IGF2: variants seen among roughly 807,000 people sequenced by gnomAD.
IGF2 encodes insulin-like growth factor 2.
A neutral mutation model predicts 12.0 loss-of-function variants in IGF2; 2 were observed. The observed-to-expected ratio is 0.17, with a 90% CI of 0.07 to 0.52. The LOEUF (loss-of-function observed/expected upper bound fraction) is 0.52, where lower values mean the gene tolerates loss of function less well. IGF2 is among the 20% of genes least tolerant of loss of function. The pLI, the probability that IGF2 is intolerant of heterozygous loss-of-function variation, is 0.95. For synonymous variants in IGF2, 105 were observed against 110.1 expected (o/e 0.95, Z 0.29); for missense variants, 211 against 268.0 (o/e 0.79, Z 1.48).
chr11:2,149,361 G>C, the IGF2 span: 3 of 1,604,134 alleles, frequency 1.9e-6, no homozygotes, highest in Non-Finnish European at 2.5e-6. Context: ...GAAACGAAGG[G>C]CACTTTTAGA....
chr11:2,147,660 C>T, the IGF2 span: 32 of 1,249,466 alleles, frequency 2.6e-5, no homozygotes, highest in Middle Eastern at 2.3e-4. This position sits in a 1 kb window ranked among gnomAD's most constrained non-coding sequence, Gnocchi z 7.2. Context: ...CACAGCAGCT[C>T]ACCTCAGGAC....
In IGF2 at chr11:2,130,228, AC is replaced by A; in HGVS notation, c.*2758del. On this transcript the variant is annotated 3_prime_UTR_variant, in exon 4 of 4. Transcript: ENST00000416167. ...GAGCCCCCTCCTGTGGCCTCCGAGC[AC>A]CCTCCTGACACCTGAGGAGACCCTG... is the stretch of plus-strand genomic sequence containing the variant. The A allele has an allele frequency of 4.4e-6, 1 of 229,870 alleles. No individual in the cohort carries two copies. Among genetic ancestry groups the A allele is most frequent in the Non-Finnish European group, 8.6e-6 (1 of 116,448 alleles). The allele number at this position is 229,870 out of a possible 1,614,324, so 14.2% of individuals were successfully genotyped here.
At chr11:2,140,917 G>A (rs762040708), upstream of IGF2, 4 of 378,082 alleles carry the variant, frequency 1.1e-5, no homozygotes, top group African/African-American at 8.9e-5. Context: ...GCGATCGAAC[G>A]CTCTGTGGCA....
chr11:2,147,784 A>G, the IGF2 span: 577,068 of 1,247,656 alleles, frequency 0.46, 137,657 homozygotes, highest in Admixed American at 0.55. The surrounding 1 kb of genome is among the most constrained non-coding windows in gnomAD (Gnocchi z 7.2). Context: ...CTCCCACACA[A>G]GCTCGGTGGT....
chr11:2,134,575 G>A (rs1039862519), intron 2 of IGF2, among the ~76,000 whole-genome samples: 6 of 152,276 alleles, frequency 3.9e-5, no homozygotes, highest in Admixed American at 1.3e-4. Flanking sequence ...GCGTGAGTAA[G>A]CAGTGGTGGT....
Position 2,132,781 on chromosome 11 carries a change from G to A in IGF2, c.*206C>T. ...CCAATCGATTTTGTACATGTTTGAAGATGCTGCTGTGCTTCCTCAGCCCGA... is the reference window on the plus strand; with the variant it reads ...CCAATCGATTTTGTACATGTTTGAAAATGCTGCTGTGCTTCCTCAGCCCGA... On this transcript the variant is annotated 3_prime_UTR_variant, in exon 4 of 4. Coordinates refer to ENST00000416167, the MANE Select transcript of IGF2 (RefSeq NM_000612.6). The A allele has an allele frequency of 1.9e-6, 1 of 515,612 alleles. No individual in the cohort carries two copies. The highest frequency in any genetic ancestry group is 3.4e-6 in the Non-Finnish European group (1 of 291,482). 31.9% of individuals were successfully genotyped at this position (515,612 alleles called of 1,614,324 possible). A position where few individuals can be genotyped will look rare whatever the true frequency, so the allele number is the denominator to read the frequency against.
chr11:2,140,794 A>T, upstream of IGF2: 1 of 310,412 alleles, frequency 3.2e-6, no homozygotes, highest in Non-Finnish European at 6.1e-6. Context: ...ACAGCAGCAG[A>T]TGCGGGCCGA....
At chr11:2,136,224 C>T (rs1441605081) in intron 1 of IGF2, among the ~76,000 whole-genome samples, 1 of 152,194 alleles carries the variant, frequency 6.6e-6, no homozygotes, top group Non-Finnish European at 1.5e-5. Context: ...TCCCAGTCAC[C>T]CAGTTCTCCA....
chr11:2,138,355 G>A lies in IGF2; in HGVS notation c.-133C>T. Reference sequence around the variant, plus strand: ...TGGCCGAGTCGCGGGGGCCGAATGTGCGACGGGGCAGAGCGGGGGGATGGC... The same window carrying A: ...TGGCCGAGTCGCGGGGGCCGAATGTACGACGGGGCAGAGCGGGGGGATGGC... On this transcript the variant is annotated 5_prime_UTR_variant, in exon 1 of 4. Coordinates refer to ENST00000416167, the MANE Select transcript of IGF2 (RefSeq NM_000612.6). 1 of 978,420 alleles carries A rather than the reference G, an allele frequency of 1.0e-6. No individual in the cohort carries two copies. The highest frequency in any genetic ancestry group is 1.2e-6 in the Non-Finnish European group (1 of 825,746). The allele number at this position is 978,420 out of a possible 1,614,324, so 60.6% of individuals were successfully genotyped here. A position where few individuals can be genotyped will look rare whatever the true frequency, so the allele number is the denominator to read the frequency against.
chr11:2,133,100 T>G lies in IGF2; in HGVS notation c.430A>C (p.Lys144Gln), dbSNP rs761436263. Residue 144 changes from lysine (K) to glutamine (Q), a missense_variant, in exon 4 of 4, where the codon AAG (lysine) becomes CAG (glutamine). Lys to Gln is a moderately conservative substitution (Grantham distance 53). This residue lies in a region of IGF2 where 141 missense variants were observed against 153.1 expected (regional missense o/e 0.92). Transcript: ENST00000416167. The surrounding 1 kb of genome is among the most constrained non-coding windows in gnomAD (Gnocchi z 8.9). ...LRARRGHVLA[K>Q]ELEAFREAKR... ...GCCTCCCTGAACGCCTCGAGCTCCT[T>G]GGCGAGCACGTGACCCCGGCGGGCA... 4 of 1,607,860 alleles carry G rather than the reference T, an allele frequency of 2.5e-6. No homozygotes were observed. Among genetic ancestry groups the G allele is most frequent in the Non-Finnish European group, 2.5e-6 (3 of 1,176,806 alleles).
upstream of IGF2, among the ~76,000 whole-genome samples, chr11:2,145,926 C>CGGAG (rs1303636465): frequency 2.6e-5 from 4 of 152,080 alleles, no homozygotes; most frequent in Non-Finnish European, 4.4e-5. Context: ...TTCCAGCCCC[C>CGGAG]GGAGGTAGGA....
the IGF2 span, chr11:2,148,337 C>G: frequency 1.3e-5 from 2 of 153,244 alleles, no homozygotes; most frequent in Non-Finnish European, 2.9e-5. This position sits in a 1 kb window ranked among gnomAD's most constrained non-coding sequence, Gnocchi z 4.3. Context: ...AGACACCACC[C>G]TGGGTGGATC....
upstream of IGF2, among the ~76,000 whole-genome samples, chr11:2,143,240 T>C (rs1260632065): frequency 6.6e-6 from 1 of 151,080 alleles, no homozygotes; most frequent in African/African-American, 2.4e-5. Context: ...CTGAGTGTCA[T>C]GAGGGACTTG....
chr11:2,138,648 C>G lies in IGF2; in HGVS notation c.-426G>C. 1 of 974,566 alleles carries G rather than the reference C, an allele frequency of 1.0e-6. No homozygotes were observed. The highest frequency in any genetic ancestry group is 1.2e-6 in the Non-Finnish European group (1 of 828,228). 60.4% of individuals were successfully genotyped at this position (974,566 alleles called of 1,614,324 possible). Reference sequence around the variant, plus strand: ...CGGGAGAGAACAGCACGGAGAGAAACAGAAAGCGTGTAATTAATCCACTTT... The same window carrying G: ...CGGGAGAGAACAGCACGGAGAGAAAGAGAAAGCGTGTAATTAATCCACTTT... On this transcript the variant is annotated 5_prime_UTR_variant, in exon 1 of 4. Coordinates refer to ENST00000416167, the MANE Select transcript of IGF2 (RefSeq NM_000612.6).
rs1223534348 is a variant in IGF2 at position 2,132,653 on chromosome 11, G to A, written c.*334C>T. ...AAAGCCAATTAGTTTTAAGAGGGTTGTTGTGGGGGGGGGGGAAGGGGGTTA... is the reference window on the plus strand; with the variant it reads ...AAAGCCAATTAGTTTTAAGAGGGTTATTGTGGGGGGGGGGGAAGGGGGTTA... On this transcript the variant is annotated 3_prime_UTR_variant, in exon 4 of 4. Coordinates refer to ENST00000416167, the MANE Select transcript of IGF2 (RefSeq NM_000612.6). 9.2e-6 allele frequency: 1 copy of A among 108,508 alleles called. No individual in the cohort carries two copies. The highest frequency in any genetic ancestry group is 1.5e-5 in the Non-Finnish European group (1 of 66,376). 6.7% of individuals were successfully genotyped at this position (108,508 alleles called of 1,614,324 possible).
At chr11:2,137,720 G>A (rs1859180389) in intron 1 of IGF2, among the ~76,000 whole-genome samples, 2 of 152,176 alleles carry the variant, frequency 1.3e-5, no homozygotes, top group African/African-American at 4.8e-5. Flanking sequence ...TGGGGGAGAT[G>A]TCGCGAATGT....
chr11:2,133,137 A>T lies in IGF2; in HGVS notation c.393T>A (p.Pro131=), dbSNP rs1858735125. 1 of 1,604,344 alleles carries T rather than the reference A, an allele frequency of 6.2e-7. No homozygotes were observed. Among genetic ancestry groups the T allele is most frequent in the South Asian group, 1.1e-5 (1 of 90,332 alleles). The change falls in exon 4 of 4, where the codon CCT becomes CCA. Residue 131 remains proline, a synonymous_variant. Transcript: ENST00000416167. The surrounding 1 kb of genome is among the most constrained non-coding windows in gnomAD (Gnocchi z 8.9). The part of the protein sequence containing the change: ...QSTQRLRRGL[P]ALLRARRGHV... The stretch of plus-strand genomic sequence containing the variant: ...GACCCCGGCGGGCACGCAGGAGGGC[A>T]GGCAGGCCCCTGCGCAGGCGCTGGG...
Position 2,132,751 on chromosome 11 carries a change from T to G in IGF2, c.*236A>C, listed in dbSNP as rs1858698414. 1 of 463,072 alleles carries G rather than the reference T, an allele frequency of 2.2e-6. No homozygotes were observed. Among genetic ancestry groups the G allele is most frequent in the African/African-American group, 2.0e-5 (1 of 50,124 alleles). The allele number at this position is 463,072 out of a possible 1,614,324, so 28.7% of individuals were successfully genotyped here. On this transcript the variant is annotated 3_prime_UTR_variant, in exon 4 of 4. Coordinates refer to ENST00000416167, the MANE Select transcript of IGF2 (RefSeq NM_000612.6). ...GGGGGGAGGGTATGTGAAGGGTGTTTAAAGCCAATCGATTTTGTACATGTT... is the reference window on the plus strand; with the variant it reads ...GGGGGGAGGGTATGTGAAGGGTGTTGAAAGCCAATCGATTTTGTACATGTT...
At chr11:2,140,932 G>A (rs1488045955), upstream of IGF2, 1 of 362,428 alleles carries the variant, frequency 2.8e-6, no homozygotes, top group Non-Finnish European at 5.3e-6. Context: ...GTGGCAGGCG[G>A]TGGACGCTGC....
Sources: gnomAD v4.1 joint callset for allele counts (sites outside exome capture counted in the v4.1 genomes callset) on GRCh38, gnomAD v4.1.1 for gene constraint, gnomAD v4.1.1 regional missense constraint, Gnocchi (gnomAD v3.1) non-coding constraint, MANE v1.5 for transcripts, NCBI Gene and HGNC (gene_info 2026-07-23, HGNC 2026-07-21) for gene names.